Variants in CPVL observed in about 807,000 individuals in gnomAD.
CPVL encodes carboxypeptidase vitellogenic like.
CPVL carries 51 observed loss-of-function variants against 63.7 expected under a neutral mutation model. The observed-to-expected ratio is 0.80, with a 90% confidence interval of 0.64 to 1.01. CPVL has a LOEUF of 1.01. Among genes scored for constraint, CPVL ranks in the 50% least tolerant of loss-of-function variants. The pLI, the probability that CPVL is intolerant of heterozygous loss-of-function variation, is 0.00. For synonymous variants in CPVL, 195 were observed against 206.0 expected, an observed-to-expected ratio of 0.95 and a Z score of 0.46; for missense variants, 530 against 573.1, an observed-to-expected ratio of 0.92 and a Z score of 0.77.
intron 5 of CPVL, among the ~76,000 whole-genome samples, chr7:29,174,800 C>T (rs1797060441): frequency 6.7e-6 from 1 of 149,246 alleles, no homozygotes. Flanking sequence ...GTGGAGGTTG[C>T]AGTGAGCCAA....
chr7:29,042,502 G>A (rs1335703889), intron 11 of CPVL, among the ~76,000 whole-genome samples: 3 of 152,114 alleles, frequency 2.0e-5, no homozygotes, highest in Non-Finnish European at 4.4e-5. Flanking sequence ...CTACTTGGGA[G>A]GCTGAGGTGA....
rs1420552242 is a variant in CPVL, at chr7:29,064,090, A to G, written c.1108T>C (p.Trp370Arg). 1 of 1,612,902 alleles carries G rather than the reference A, an allele frequency of 6.2e-7. No homozygotes were observed. Among genetic ancestry groups the G allele is most frequent in the Non-Finnish European group, 8.5e-7 (1 of 1,179,090 alleles). ...TAATTATTCATGATTTCAGTTAACCATGGCTTAACTGACTGTACTGTATCT... is the reference window on the plus strand; with the variant it reads ...TAATTATTCATGATTTCAGTTAACCGTGGCTTAACTGACTGTACTGTATCT... ...REDTVQSVKP[W>R]LTEIMNNYKV... is the part of the protein sequence containing the mutation. Residue 370 changes from tryptophan (W) to arginine (R), a missense_variant, in exon 11 of 13, where the codon TGG (tryptophan) becomes CGG (arginine). Physicochemically the swap from Trp to Arg is moderately radical, Grantham distance 101 (BLOSUM62 -3). Coordinates refer to ENST00000265394, the MANE Select transcript of CPVL (RefSeq NM_031311.5).
At chr7:29,101,408 T>C (rs1487474272) in intron 3 of CPVL, among the ~76,000 whole-genome samples, 2 of 152,066 alleles carry the variant, frequency 1.3e-5, no homozygotes, top group African/African-American at 4.8e-5. Context: ...AAACCATCCT[T>C]GCTAACACGG....
intron 5 of CPVL, among the ~76,000 whole-genome samples, chr7:29,178,295 G>T (rs1292348917): frequency 1.3e-5 from 2 of 152,116 alleles, no homozygotes; most frequent in East Asian, 3.9e-4. Flanking sequence ...GCTTCCCATT[G>T]TGTCTAGAAA....
intron 11 of CPVL, among the ~76,000 whole-genome samples, chr7:29,050,054 T>A (rs1021910082): frequency 2.6e-5 from 4 of 152,094 alleles, no homozygotes; most frequent in Admixed American, 2.6e-4. Context: ...TAATACTGAA[T>A]AGGGAAAAGT....
At chr7:29,130,658 T>C (rs73304134) in intron 1 of CPVL, among the ~76,000 whole-genome samples, 2,881 of 152,248 alleles carry the variant, frequency 0.019, 93 homozygotes, top group African/African-American at 0.064. Context: ...AGCTATTGAG[T>C]TGCAAAGCTG....
intron 5 of CPVL, among the ~76,000 whole-genome samples, chr7:29,176,703 G>A (rs902274878): frequency 1.3e-5 from 2 of 152,164 alleles, no homozygotes; most frequent in African/African-American, 4.8e-5. Flanking sequence ...GGAAACTTCT[G>A]TTTAAACCTA....
intron 7 of CPVL, among the ~76,000 whole-genome samples, chr7:29,084,863 C>A (rs1007427104): frequency 6.6e-6 from 1 of 152,094 alleles, no homozygotes; most frequent in East Asian, 1.9e-4. Context: ...TTTGATGTTT[C>A]TTGTTGGTAA....
At chr7:29,007,331 T>C (rs955766066) in intron 12 of CPVL, among the ~76,000 whole-genome samples, 10 of 152,228 alleles carry the variant, frequency 6.6e-5, no homozygotes, top group African/African-American at 2.4e-4. Flanking sequence ...TCTAATGAAA[T>C]AGAACCACAT....
chr7:29,194,881 G>A (rs1783444259), intron 1 of CPVL: 2 of 1,381,874 alleles, frequency 1.4e-6, no homozygotes, highest in Admixed American at 6.9e-5. Context: ...GCCGGGCGAG[G>A]GCAGCGGCGG....
intron 3 of CPVL, among the ~76,000 whole-genome samples, chr7:29,098,675 G>C (rs916613997): frequency 1.1e-4 from 17 of 152,160 alleles, no homozygotes; most frequent in African/African-American, 3.9e-4. Flanking sequence ...GCCCCAAACT[G>C]TTTGAATTCA....
intron 1 of CPVL, chr7:29,126,980 C>T (rs893894937): frequency 1.3e-5 from 2 of 152,206 alleles, no homozygotes; most frequent in Admixed American, 1.3e-4. Context: ...TGAGACACGC[C>T]TATCTCCTTT....
At chr7:29,029,240 T>C (rs1395841836) in intron 12 of CPVL, among the ~76,000 whole-genome samples, 1 of 148,026 alleles carries the variant, frequency 6.8e-6, no homozygotes, top group Admixed American at 6.7e-5. Flanking sequence ...GAAAACAATA[T>C]GGAGGTTTCT....
At chr7:29,133,643 G>C (rs994497065) in intron 1 of CPVL, among the ~76,000 whole-genome samples, 3 of 152,186 alleles carry the variant, frequency 2.0e-5, no homozygotes, top group African/African-American at 7.2e-5. Flanking sequence ...GAAACGTGGT[G>C]AATCAGAAAC....
At chr7:29,079,832 G>A (rs1277095719) in intron 7 of CPVL, among the ~76,000 whole-genome samples, 1 of 152,106 alleles carries the variant, frequency 6.6e-6, no homozygotes, top group Non-Finnish European at 1.5e-5. Flanking sequence ...TACCCATCAG[G>A]TAGGCTCTGC....
At position 29,071,923 on chromosome 7, in the gene CPVL, C is replaced by T; in HGVS notation, c.733-19G>A. 1 of 1,613,710 alleles carries T rather than the reference C, an allele frequency of 6.2e-7. No individual in the cohort carries two copies. Among genetic ancestry groups the T allele is most frequent in the Non-Finnish European group, 8.5e-7 (1 of 1,179,782 alleles). On this transcript the variant is annotated intron_variant, in intron 8 of 12. Transcript: ENST00000265394. ...CTATAATCTGAGGACAAAAAAGACA[C>T]ACATCAATGTGACAAAGGGAGAGAA...
intron 5 of CPVL, among the ~76,000 whole-genome samples, chr7:29,169,670 G>A (rs1470662218): frequency 6.6e-6 from 1 of 151,952 alleles, no homozygotes; most frequent in Non-Finnish European, 1.5e-5. Context: ...CTGCCATCAT[G>A]TGCTGCTCTG....
intron 1 of CPVL, among the ~76,000 whole-genome samples, chr7:29,186,911 C>T (rs1048028805): frequency 6.6e-6 from 1 of 152,114 alleles, no homozygotes; most frequent in South Asian, 2.1e-4. Flanking sequence ...ATAATATCTA[C>T]AGCTGGAGTT....
chr7:29,048,045 C>G (rs1789788381), intron 11 of CPVL, among the ~76,000 whole-genome samples: 1 of 152,142 alleles, frequency 6.6e-6, no homozygotes, highest in Non-Finnish European at 1.5e-5. Context: ...AAAAGGAGCT[C>G]TAAATCTTGA....
Sources: allele counts gnomAD v4.1 joint callset (sites outside exome capture counted in the v4.1 genomes callset), GRCh38; gene constraint gnomAD v4.1.1; transcripts MANE v1.5; gene names NCBI Gene and HGNC (gene_info 2026-07-23, HGNC 2026-07-21).